Variants in DHX57 observed in about 807,000 individuals in gnomAD.
DHX57 encodes putative ATP-dependent RNA helicase DHX57.
A neutral mutation model predicts 156.2 loss-of-function variants in DHX57; 105 were observed. The observed-to-expected ratio is 0.67, with a 90% CI of 0.57 to 0.79. DHX57 has a LOEUF of 0.79. Ranked by LOEUF, DHX57 falls within the 30% of genes least tolerant of loss-of-function variation. The probability of loss-of-function intolerance (pLI) is 0.00; values close to 1 mark genes in which losing one functional copy is unlikely to be tolerated. For synonymous variants in DHX57, 704 were observed against 595.6 expected (o/e 1.18, Z -2.65); for missense variants, 1,847 against 1,661.9 (o/e 1.11, Z -1.94).
At chr2:38,834,336 A>AAG (rs1454089999) in intron 13 of DHX57, among the ~76,000 whole-genome samples, 6 of 151,490 alleles carry the variant, frequency 4.0e-5, no homozygotes, top group Non-Finnish European at 8.9e-5. Context: ...CATCTCAAAA[A>AAG]AAAAAAAAAA....
intron 21 of DHX57, among the ~76,000 whole-genome samples, chr2:38,812,840 A>ACTTG: frequency 7.6e-5 from 2 of 26,256 alleles, no homozygotes; most frequent in Non-Finnish European, 1.0e-4. Context: ...TCCCTTATTT[A>ACTTG]CTTGTTTGTT....
chr2:38,829,127 G>C (rs955215189), intron 13 of DHX57, among the ~76,000 whole-genome samples: 1 of 152,052 alleles, frequency 6.6e-6, no homozygotes, highest in Non-Finnish European at 1.5e-5. Flanking sequence ...ATTTTTAGCA[G>C]AGATGGGGTT....
chr2:38,875,517 T>G (rs1407696913), intron 1 of DHX57, among the ~76,000 whole-genome samples: 2 of 152,080 alleles, frequency 1.3e-5, no homozygotes, highest in African/African-American at 4.8e-5. Flanking sequence ...AAGACTGAAT[T>G]TCACGCCCCG....
chr2:38,825,786 C>T, intron 16 of DHX57, 61 bp downstream of exon 16: 2 of 1,547,676 alleles, frequency 1.3e-6, no homozygotes, highest in East Asian at 2.3e-5. Flanking sequence ...AAACATGGAA[C>T]TTAATAGAGT....
At chr2:38,808,197 C>A (rs1670058884) in intron 21 of DHX57, among the ~76,000 whole-genome samples, 1 of 151,762 alleles carries the variant, frequency 6.6e-6, no homozygotes, top group Non-Finnish European at 1.5e-5. Flanking sequence ...TTGTGATCTA[C>A]CCACCTCAGC....
chr2:38,821,424 G>T (rs987516608), intron 17 of DHX57, among the ~76,000 whole-genome samples: 3 of 152,150 alleles, frequency 2.0e-5, no homozygotes, highest in African/African-American at 7.2e-5. Flanking sequence ...TGCCAGGCAT[G>T]GTGGCTCACA....
At chr2:38,860,754 T>G (rs1490332651) in intron 5 of DHX57, among the ~76,000 whole-genome samples, 1 of 152,206 alleles carries the variant, frequency 6.6e-6, no homozygotes, top group East Asian at 1.9e-4. Flanking sequence ...TTTTATATAG[T>G]TAAACATACG....
intron 17 of DHX57, among the ~76,000 whole-genome samples, chr2:38,822,641 C>T (rs1316516702): frequency 2.0e-5 from 3 of 151,564 alleles, no homozygotes; most frequent in East Asian, 1.9e-4. Context: ...ATGATCTGCC[C>T]GCCTCCGCCT....
intron 23 of DHX57, among the ~76,000 whole-genome samples, chr2:38,802,307 AGAAG>A (rs1669719428): frequency 1.5e-4 from 17 of 110,944 alleles, no homozygotes; most frequent in Non-Finnish European, 2.4e-4. Context: ...TTTTTTTTTG[AGAAG>A]GAATCTCGCT....
chr2:38,800,099 C>T (rs187390459), intron 23 of DHX57, among the ~76,000 whole-genome samples: 98 of 149,046 alleles, frequency 6.6e-4, no homozygotes, highest in Middle Eastern at 3.6e-3. Context: ...GCAGGAGAAT[C>T]GCTTGAACAC....
intron 12 of DHX57, among the ~76,000 whole-genome samples, chr2:38,842,329 T>C (rs1672051516): frequency 6.6e-6 from 1 of 152,338 alleles, no homozygotes; most frequent in East Asian, 1.9e-4. Context: ...CTGAATGTAA[T>C]ATATGATCCA....
At chr2:38,863,640 A>G (rs982783167) in intron 2 of DHX57, 121 bp from the exon 3 acceptor site, 7 of 893,066 alleles carry the variant, frequency 7.8e-6, no homozygotes, top group Non-Finnish European at 1.2e-5. Context: ...ACAAAAGATG[A>G]CAATGAATGT....
intron 13 of DHX57, among the ~76,000 whole-genome samples, chr2:38,831,421 C>T (rs938969348): frequency 6.6e-6 from 1 of 151,602 alleles, no homozygotes; most frequent in Non-Finnish European, 1.5e-5. Flanking sequence ...CCTCTGCCTC[C>T]TGGGTTCAAG....
In DHX57 at chr2:38,826,522, T is replaced by C; in HGVS notation, c.2807A>G (p.Glu936Gly). 6.2e-7 allele frequency: 1 copy of C among 1,613,816 alleles called. No homozygotes were observed. The highest frequency in any genetic ancestry group is 8.5e-7 in the Non-Finnish European group (1 of 1,179,760). Residue 936 changes from glutamate to glycine, a missense_variant, in exon 15 of 24, where the codon GAA becomes GGA. Coordinates refer to ENST00000457308, the MANE Select transcript of DHX57 (RefSeq NM_198963.3). Reference sequence around the variant, plus strand: ...TCACCACAAGACGGAATACCTCTTTTCTTTCATTTTCCCAGAATCGATAAC... The same window carrying C: ...TCACCACAAGACGGAATACCTCTTTCCTTTCATTTTCCCAGAATCGATAAC... ...VYVIDSGKMKEKRYDASKGME... is the reference protein window; with the variant it reads ...VYVIDSGKMKGKRYDASKGME...
intron 9 of DHX57, chr2:38,853,043 A>G (rs910959809): frequency 9.8e-5 from 2 of 20,464 alleles, no homozygotes; most frequent in Non-Finnish European, 1.7e-4. Context: ...CTCATATTTC[A>G]GTTTTCTTTT....
rs539183345 is a variant in DHX57 at position 38,843,143 on chromosome 2, C to T, written c.2287G>A (p.Ala763Thr). The change falls in exon 12 of 24, where the codon GCA becomes ACA. Residue 763 changes from alanine (A) to threonine (T), a missense_variant. Ala to Thr is a moderately conservative substitution (Grantham distance 58). Coordinates refer to ENST00000457308, the MANE Select transcript of DHX57 (RefSeq NM_198963.3). Reference sequence around the variant, plus strand: ...TCAAATGCAGTTCTGTTCCGCCTTGCTTTAAGCTTTTCCTTTGAAATCTGT... The same window carrying T: ...TCAAATGCAGTTCTGTTCCGCCTTGTTTTAAGCTTTTCCTTTGAAATCTGT... Reference protein sequence around the residue: ...MKQISKEKLKARRNRTAFEEV... With the variant: ...MKQISKEKLKTRRNRTAFEEV... The T allele has an allele frequency of 6.2e-7, 1 of 1,614,176 alleles. No individual in the cohort carries two copies. The highest frequency in any genetic ancestry group is 8.5e-7 in the Non-Finnish European group (1 of 1,180,028).
chr2:38,808,478 A>G (rs17425982), intron 21 of DHX57, among the ~76,000 whole-genome samples: 3,197 of 152,248 alleles, frequency 0.021, 129 homozygotes, highest in African/African-American at 0.074. Flanking sequence ...CCTAAAACAT[A>G]ATTTTTGATG....
chr2:38,803,689 A>T (rs1669806451), intron 22 of DHX57, among the ~76,000 whole-genome samples: 1 of 151,026 alleles, frequency 6.6e-6, no homozygotes, highest in South Asian at 2.1e-4. Context: ...GGATTTCATC[A>T]TGCTGGCCAG....
intron 8 of DHX57, 75 bp downstream of exon 8, chr2:38,854,982 C>A (rs1442075218): frequency 6.5e-7 from 1 of 1,530,238 alleles, no homozygotes; most frequent in East Asian, 2.3e-5. Context: ...GCCCATGAAT[C>A]TCCTAACCCC....
Sources: allele counts gnomAD v4.1 joint callset (sites outside exome capture counted in the v4.1 genomes callset), GRCh38; gene constraint gnomAD v4.1.1; transcripts MANE v1.5; gene names NCBI Gene and HGNC (gene_info 2026-07-23, HGNC 2026-07-21).